CCDC102B: variants seen among roughly 807,000 people sequenced by gnomAD.
CCDC102B encodes coiled-coil domain-containing protein 102B.
In CCDC102B, 75 loss-of-function variants were observed where a neutral mutation model predicts 57.4. That is an observed-to-expected ratio of 1.31 (90% confidence interval 1.08 to 1.58). CCDC102B has a LOEUF of 1.58. Among genes scored for constraint, CCDC102B ranks in the 40% most tolerant of loss-of-function variants. The pLI, the probability that CCDC102B is intolerant of heterozygous loss-of-function variation, is 0.00. For missense variants in CCDC102B, 636 were observed against 582.6 expected, an observed-to-expected ratio of 1.09 and a Z score of -0.94; for synonymous variants, 206 against 201.9, an observed-to-expected ratio of 1.02 and a Z score of -0.17.
intron 1 of CCDC102B, among the ~76,000 whole-genome samples, chr18:68,816,459 C>CTTTTTTTTTTTT (rs869077830): frequency 3.0e-5 from 3 of 100,588 alleles, no homozygotes; most frequent in Non-Finnish European, 5.5e-5. Context: ...TATTTCCTTT[C>CTTTTTTTTTTTT]TTTTTTTTTT....
At chr18:69,038,209 A>G (rs2052345908) in intron 7 of CCDC102B, among the ~76,000 whole-genome samples, 1 of 151,928 alleles carries the variant, frequency 6.6e-6, no homozygotes, top group South Asian at 2.1e-4. Flanking sequence ...AAATGGCGCC[A>G]TGAAATCCAA....
At chr18:68,824,632 T>C (rs79645721) in intron 1 of CCDC102B, among the ~76,000 whole-genome samples, 1 of 152,278 alleles carries the variant, frequency 6.6e-6, no homozygotes, top group African/African-American at 2.4e-5. Context: ...TTCAATTACA[T>C]TCCTAAAATA....
chr18:68,743,515 T>C (rs981947066), intron 2 of CCDC102B, among the ~76,000 whole-genome samples: 3 of 152,280 alleles, frequency 2.0e-5, no homozygotes, highest in African/African-American at 7.2e-5. Flanking sequence ...ACAAAGCACA[T>C]TAGTGTGTGA....
At chr18:68,873,425 A>G (rs1266358345) in intron 4 of CCDC102B, among the ~76,000 whole-genome samples, 1 of 152,036 alleles carries the variant, frequency 6.6e-6, no homozygotes, top group East Asian at 1.9e-4. Context: ...AATTATTTCA[A>G]TGGCCTTTAG....
At chr18:68,885,237 A>G (rs902829672) in intron 5 of CCDC102B, among the ~76,000 whole-genome samples, 2 of 152,082 alleles carry the variant, frequency 1.3e-5, no homozygotes, top group African/African-American at 4.8e-5. Flanking sequence ...AAAGTAAACC[A>G]CAAAGATAAG....
At chr18:68,716,317 A>G (rs1475220052) in intron 1 of CCDC102B, among the ~76,000 whole-genome samples, 1 of 151,730 alleles carries the variant, frequency 6.6e-6, no homozygotes, top group Non-Finnish European at 1.5e-5. Flanking sequence ...CATGTATTTC[A>G]AAGTTTTCTG....
intron 6 of CCDC102B, among the ~76,000 whole-genome samples, chr18:69,009,652 T>G (rs1016457364): frequency 1.3e-4 from 20 of 152,088 alleles, no homozygotes; most frequent in African/African-American, 4.8e-4. Flanking sequence ...TTCCAATATT[T>G]TATGGCTATT....
At chr18:68,883,247 A>C (rs1349732834) in intron 5 of CCDC102B, among the ~76,000 whole-genome samples, 1 of 151,812 alleles carries the variant, frequency 6.6e-6, no homozygotes, top group African/African-American at 2.4e-5. Context: ...TGTCTACTAA[A>C]AAAAATACAA....
chr18:68,981,025 G>A (rs2050566083), intron 6 of CCDC102B, among the ~76,000 whole-genome samples: 1 of 152,062 alleles, frequency 6.6e-6, no homozygotes, highest in South Asian at 2.1e-4. Context: ...TGGAATTCAA[G>A]AGGAAATGAC....
chr18:68,969,452 T>G (rs79035806), intron 6 of CCDC102B, among the ~76,000 whole-genome samples: 3,802 of 152,042 alleles, frequency 0.025, 119 homozygotes, highest in East Asian at 0.15. Context: ...ATTTATTTCT[T>G]ATTTCTTTTT....
intron 1 of CCDC102B, among the ~76,000 whole-genome samples, chr18:68,830,371 TA>T (rs1479557594): frequency 6.6e-6 from 1 of 151,956 alleles, no homozygotes; most frequent in African/African-American, 2.4e-5. Flanking sequence ...TAGGTGGGGC[TA>T]TACAGTTCCA....
chr18:68,815,683 C>T (rs1266305757), intron 1 of CCDC102B, among the ~76,000 whole-genome samples: 1 of 148,822 alleles, frequency 6.7e-6, no homozygotes, highest in Non-Finnish European at 1.5e-5. Flanking sequence ...TACATACACA[C>T]ACACACACAC....
At chr18:68,910,505 G>A (rs2040802264) in intron 6 of CCDC102B, among the ~76,000 whole-genome samples, 1 of 152,116 alleles carries the variant, frequency 6.6e-6, no homozygotes. Context: ...CCCCTCTAAA[G>A]TTGCAAGGTT....
At chr18:68,840,943 G>A (rs150517242) in intron 3 of CCDC102B, among the ~76,000 whole-genome samples, 2 of 152,238 alleles carry the variant, frequency 1.3e-5, no homozygotes, top group African/African-American at 4.8e-5. Context: ...TCCATAGACA[G>A]GCCAAAGAAT....
rs556723858 is a variant in CCDC102B, at chr18:68,884,281, A to C, written c.1053+9496A>C. ...ACAACCCAGTGTTCACTTATGAAAA[A>C]AATGGTTAAAGAAACTGTGATAAGT... On this transcript the variant is annotated intron_variant, in intron 5 of 7. Transcript: ENST00000360242. 5.9e-5 allele frequency among the ~76,000 whole-genome samples: 9 copies of C among 152,318 alleles called. No homozygotes were observed. The East Asian group carries it at 1.7e-3, about 29-fold the overall frequency.
At chr18:68,810,693 T>TTTTTG (rs1568263270) in intron 1 of CCDC102B, among the ~76,000 whole-genome samples, 144 of 139,356 alleles carry the variant, frequency 1.0e-3, no homozygotes, top group East Asian at 8.3e-3. Context: ...TTTTTTTTTT[T>TTTTTG]TTTTTTTTTT....
chr18:68,911,548 C>A (rs572799231), intron 6 of CCDC102B, among the ~76,000 whole-genome samples: 4 of 150,402 alleles, frequency 2.7e-5, no homozygotes, highest in Non-Finnish European at 5.9e-5. Context: ...GTCAGGAGAT[C>A]GAGACCATCC....
intron 6 of CCDC102B, among the ~76,000 whole-genome samples, chr18:68,968,441 G>T (rs2050215703): frequency 3.9e-5 from 6 of 152,028 alleles, no homozygotes. Context: ...TCACTATTTG[G>T]TATTTCCAAA....
chr18:68,878,782 A>G (rs949394440), intron 5 of CCDC102B, among the ~76,000 whole-genome samples: 5 of 152,308 alleles, frequency 3.3e-5, no homozygotes, highest in Admixed American at 2.6e-4. Context: ...GACAGTCACA[A>G]GCACAGATGG....
Sources: gnomAD v4.1 joint callset for allele counts (sites outside exome capture counted in the v4.1 genomes callset) on GRCh38, gnomAD v4.1.1 for gene constraint, MANE v1.5 for transcripts, NCBI Gene and HGNC (gene_info 2026-07-23, HGNC 2026-07-21) for gene names.